The following EYS variants were observed in gnomAD, a reference collection of about 807,000 sequenced individuals.
The protein encoded by EYS is protein eyes shut homolog.
Under a neutral mutation model 282.1 loss-of-function variants are expected in EYS, and 250 were observed. The ratio of observed to expected loss-of-function variants is 0.89; its 90% CI spans 0.80 to 0.98. EYS has a LOEUF of 0.98. Ranked by LOEUF, EYS falls within the 50% of genes least tolerant of loss-of-function variation. EYS has a pLI of 0.00. For synonymous variants in EYS, 1,355 were observed against 1,282.9 expected (o/e 1.06, Z -1.20); for missense variants, 4,016 against 3,709.0 (o/e 1.08, Z -2.15).
chr6:65,630,425 A>G (rs1473808872), intron 2 of EYS, among the ~76,000 whole-genome samples: 1 of 152,146 alleles, frequency 6.6e-6, no homozygotes, highest in African/African-American at 2.4e-5. Flanking sequence ...CTCCATTAAT[A>G]TTTTCTTAAT....
Position 65,120,460 on chromosome 6 carries a change from CAAAAAAAA to C in EYS, c.2024-62741_2024-62734del, listed in dbSNP as rs67505285. On this transcript the variant is annotated intron_variant, in intron 12 of 42. Transcript: ENST00000503581. ...ACATTACTCTTTTTCTTTAAATAAG[CAAAAAAAA>C]AAAAAAAAAAAAAAAATCTTTGGTT... 3.5e-4 allele frequency among the ~76,000 whole-genome samples: 24 copies of C among 68,288 alleles called. 1 individual carries two copies. Among genetic ancestry groups the C allele is most frequent in the Non-Finnish European group, 4.4e-4 (16 of 36,430 alleles). 44.8% of individuals were successfully genotyped at this position (68,288 alleles called of 152,430 possible). A position where few individuals can be genotyped will look rare whatever the true frequency, so the allele number is the denominator to read the frequency against.
intron 26 of EYS, among the ~76,000 whole-genome samples, chr6:64,553,277 A>T (rs1178184502): frequency 6.6e-6 from 1 of 152,190 alleles, no homozygotes; most frequent in Non-Finnish European, 1.5e-5. Context: ...TATCATGAGC[A>T]TAGTAAGCGA....
chr6:65,539,671 A>T (rs1414887091), intron 2 of EYS, among the ~76,000 whole-genome samples: 1 of 152,236 alleles, frequency 6.6e-6, no homozygotes, highest in Admixed American at 6.5e-5. Context: ...AATGTTTGAA[A>T]GTATATCACG....
At chr6:64,299,730 A>T (rs1387787416) in intron 30 of EYS, among the ~76,000 whole-genome samples, 3 of 152,202 alleles carry the variant, frequency 2.0e-5, no homozygotes, top group Non-Finnish European at 2.9e-5. Flanking sequence ...CTTAATGCAA[A>T]CTGTTGTATT....
At chr6:65,417,139 T>C (rs1297378644) in intron 5 of EYS, among the ~76,000 whole-genome samples, 3 of 151,846 alleles carry the variant, frequency 2.0e-5, no homozygotes, top group Non-Finnish European at 1.5e-5. Context: ...GCTGTAGTAG[T>C]ATTCATTGTA....
At chr6:65,693,149 C>T (rs1249190169) in intron 1 of EYS, among the ~76,000 whole-genome samples, 2 of 149,868 alleles carry the variant, frequency 1.3e-5, no homozygotes, top group African/African-American at 4.9e-5. Flanking sequence ...TCGCTTCCTT[C>T]CTTTCTTCCT....
chr6:64,249,009 A>C (rs1767112744), intron 30 of EYS, among the ~76,000 whole-genome samples: 1 of 148,366 alleles, frequency 6.7e-6, no homozygotes, highest in Non-Finnish European at 1.5e-5. Flanking sequence ...GGTTGCAACC[A>C]GCAGAGATCA....
chr6:64,508,813 C>T (rs1161743143), intron 26 of EYS, among the ~76,000 whole-genome samples: 1 of 151,904 alleles, frequency 6.6e-6, no homozygotes, highest in Non-Finnish European at 1.5e-5. Context: ...CCTTTGGTCT[C>T]ATCAGTTTTA....
chr6:64,486,806 G>C (rs1321912903), intron 26 of EYS, among the ~76,000 whole-genome samples: 2 of 151,256 alleles, frequency 1.3e-5, no homozygotes, highest in African/African-American at 4.8e-5. Flanking sequence ...AATGAACTTT[G>C]GAAGGCTTTT....
chr6:65,682,849 A>C (rs1311435216), intron 1 of EYS, among the ~76,000 whole-genome samples: 2 of 151,938 alleles, frequency 1.3e-5, no homozygotes, highest in Non-Finnish European at 2.9e-5. Flanking sequence ...TTTAATATGG[A>C]GTATCTGAGG....
intron 22 of EYS, among the ~76,000 whole-genome samples, chr6:64,690,640 C>T (rs985027357): frequency 6.6e-6 from 1 of 152,138 alleles, no homozygotes; most frequent in Non-Finnish European, 1.5e-5. Context: ...ACATGGAATA[C>T]TATGCAGCCA....
chr6:63,833,131 G>C (rs912590238), intron 36 of EYS, among the ~76,000 whole-genome samples: 1 of 152,136 alleles, frequency 6.6e-6, no homozygotes, highest in Admixed American at 6.5e-5. Flanking sequence ...GCAAAAACTG[G>C]AAGCATTCCA....
intron 12 of EYS, among the ~76,000 whole-genome samples, chr6:65,190,260 T>C (rs561760951): frequency 1.4e-5 from 2 of 148,048 alleles, no homozygotes; most frequent in African/African-American, 4.9e-5. Context: ...TTATGTTTAA[T>C]TTATATATTT....
At chr6:63,993,605 TAA>T (rs1767703026) in intron 34 of EYS, among the ~76,000 whole-genome samples, 1 of 151,650 alleles carries the variant, frequency 6.6e-6, no homozygotes, top group Admixed American at 6.6e-5. Flanking sequence ...AGAATAAACT[TAA>T]GAGGGCAAAA....
At chr6:65,659,171 T>C (rs938662927) in intron 1 of EYS, among the ~76,000 whole-genome samples, 12 of 151,710 alleles carry the variant, frequency 7.9e-5, no homozygotes, top group Admixed American at 7.2e-4. Context: ...GAAGGAAAGA[T>C]AAAAGTATTG....
rs578024029 is a variant in EYS at position 65,608,572 on chromosome 6, C to T, written c.-333+31206G>A. Among the ~76,000 whole-genome samples the T allele has an allele frequency of 9.0e-4, 137 of 152,146 alleles. 1 individual carries two copies. In the Middle Eastern group the frequency reaches 0.014, roughly 15 times the overall value. Reference sequence around the variant, plus strand: ...TCATTTTTTCAATGATAAATTAACTCACCATAACATTTTAGGTTTATTTAC... The same window carrying T: ...TCATTTTTTCAATGATAAATTAACTTACCATAACATTTTAGGTTTATTTAC... On this transcript the variant is annotated intron_variant, in intron 2 of 42. Transcript: ENST00000503581.
intron 12 of EYS, among the ~76,000 whole-genome samples, chr6:65,135,434 C>T (rs539598019): frequency 7.9e-5 from 12 of 151,660 alleles, no homozygotes; most frequent in African/African-American, 2.4e-4. Flanking sequence ...AGATAGAAGA[C>T]CTGTAGTTTA....
chr6:64,125,226 C>T (rs1283008571), intron 31 of EYS, among the ~76,000 whole-genome samples: 1 of 151,756 alleles, frequency 6.6e-6, no homozygotes, highest in Non-Finnish European at 1.5e-5. Flanking sequence ...TGCATACAAC[C>T]AGGCTTTCTG....
At chr6:64,769,651 G>A (rs1020363579) in intron 22 of EYS, among the ~76,000 whole-genome samples, 5 of 151,884 alleles carry the variant, frequency 3.3e-5, no homozygotes, top group Admixed American at 6.6e-5. Flanking sequence ...GATTAAAAAG[G>A]GCAGGATATG....
Sources: allele counts gnomAD v4.1 joint callset (sites outside exome capture counted in the v4.1 genomes callset), GRCh38; gene constraint gnomAD v4.1.1; transcripts MANE v1.5; gene names NCBI Gene and HGNC (gene_info 2026-07-23, HGNC 2026-07-21).